CNTN5: variants seen among roughly 807,000 people sequenced by gnomAD.
CNTN5 encodes the protein contactin-5.
CNTN5 carries 77 observed loss-of-function variants against 129.1 expected under a neutral mutation model. The observed-to-expected ratio is 0.60, with a 90% CI of 0.50 to 0.72. The LOEUF is 0.72. Ranked by LOEUF, CNTN5 falls within the 30% of genes least tolerant of loss-of-function variation. The probability of loss-of-function intolerance (pLI) is 0.00; values close to 1 mark genes in which losing one functional copy is unlikely to be tolerated. For missense variants in CNTN5, 1,478 were observed against 1,328.8 expected, an observed-to-expected ratio of 1.11 and a Z score of -1.75; for synonymous variants, 509 against 465.6, an observed-to-expected ratio of 1.09 and a Z score of -1.20.
chr11:99,983,400 A>C (rs1938473200), intron 8 of CNTN5, among the ~76,000 whole-genome samples: 2 of 152,174 alleles, frequency 1.3e-5, no homozygotes, highest in Non-Finnish European at 2.9e-5. Context: ...TATAGGACTG[A>C]CAAGAGAAGT....
At chr11:99,035,998 T>C (rs899902317) in intron 1 of CNTN5, among the ~76,000 whole-genome samples, 1 of 152,074 alleles carries the variant, frequency 6.6e-6, no homozygotes, top group Non-Finnish European at 1.5e-5. Flanking sequence ...TTTGCTTGTC[T>C]GTAAAGTATT....
chr11:99,631,268 C>T (rs538169911), intron 3 of CNTN5, among the ~76,000 whole-genome samples: 131 of 152,118 alleles, frequency 8.6e-4, no homozygotes, highest in Non-Finnish European at 1.7e-3. Context: ...ATAATGGATA[C>T]AAATATTCCT....
intron 1 of CNTN5, among the ~76,000 whole-genome samples, chr11:99,095,884 A>C (rs1268760655): frequency 6.6e-6 from 1 of 151,894 alleles, no homozygotes; most frequent in East Asian, 1.9e-4. Context: ...TTTTCAAAAA[A>C]TTAAGTATTC....
intron 1 of CNTN5, among the ~76,000 whole-genome samples, chr11:99,085,834 C>T (rs1591167347): frequency 1.3e-5 from 2 of 152,028 alleles, no homozygotes; most frequent in African/African-American, 2.4e-5. Context: ...GAAAAATTCC[C>T]CCCTCCTAGT....
Position 100,340,349 on chromosome 11 carries a change from G to A in CNTN5, c.2731-114G>A, listed in dbSNP as rs1435917057. ...CCTGTTAATTGGGTGATATAGGAGT[G>A]ATTTCTTCCTATGGGTGGACTCCAG... On this transcript the variant is annotated intron_variant, in intron 21 of 24. Coordinates refer to ENST00000524871, the MANE Select transcript of CNTN5 (RefSeq NM_014361.4). The A allele has an allele frequency of 1.0e-5, 7 of 694,076 alleles. No homozygotes were observed. The South Asian group carries it at 1.2e-4, about 12-fold the overall frequency. The allele number at this position is 694,076 out of a possible 1,614,324, so 43.0% of individuals were successfully genotyped here.
chr11:99,395,723 G>T (rs1213562039), intron 2 of CNTN5, among the ~76,000 whole-genome samples: 1 of 151,824 alleles, frequency 6.6e-6, no homozygotes, highest in African/African-American at 2.4e-5. Flanking sequence ...TTTTGTATAT[G>T]ATGTAAGGAA....
chr11:100,095,313 CTGTTTTTGAGGGGAAGAAATTAAAGTA>C (rs1317131008), intron 13 of CNTN5, among the ~76,000 whole-genome samples: 1 of 152,018 alleles, frequency 6.6e-6, no homozygotes, highest in African/African-American at 2.4e-5. Context: ...TTAAAAATTA[CTGTTTTTGAGGGGAAGAAATTAAAGTA>C]TGTTTTTGAG....
At chr11:99,941,488 A>G (rs1213994504) in intron 7 of CNTN5, among the ~76,000 whole-genome samples, 1 of 151,814 alleles carries the variant, frequency 6.6e-6, no homozygotes, top group African/African-American at 2.4e-5. Flanking sequence ...GACAAAGCAG[A>G]TAAAACATAG....
At chr11:99,600,321 C>T (rs72997244) in intron 3 of CNTN5, among the ~76,000 whole-genome samples, 2,395 of 152,224 alleles carry the variant, frequency 0.016, 22 homozygotes, top group Non-Finnish European at 0.021. Flanking sequence ...ATAAGACCAG[C>T]GTAGAAGGTT....
intron 7 of CNTN5, among the ~76,000 whole-genome samples, chr11:99,936,768 T>A (rs558558928): frequency 6.6e-6 from 1 of 152,300 alleles, no homozygotes; most frequent in East Asian, 1.9e-4. Context: ...AAACAAAACA[T>A]TCCTGGTTGA....
chr11:100,007,976 T>C (rs890555304), intron 9 of CNTN5, among the ~76,000 whole-genome samples: 8 of 152,054 alleles, frequency 5.3e-5, no homozygotes, highest in Admixed American at 2.0e-4. Flanking sequence ...TTAATTTTAA[T>C]ATTATTGTGT....
chr11:99,127,409 C>T (rs563683815), intron 1 of CNTN5, among the ~76,000 whole-genome samples: 32 of 152,192 alleles, frequency 2.1e-4, no homozygotes, highest in Middle Eastern at 3.4e-3. Context: ...TCTTCTCATC[C>T]GGACTGCTTG....
chr11:99,581,512 G>T (rs1265681529), intron 3 of CNTN5, among the ~76,000 whole-genome samples: 3 of 150,498 alleles, frequency 2.0e-5, no homozygotes, highest in Non-Finnish European at 2.9e-5. Flanking sequence ...GAATCTGGGT[G>T]CTCCTGTATT....
intron 1 of CNTN5, among the ~76,000 whole-genome samples, chr11:99,110,797 T>C (rs989800465): frequency 2.0e-5 from 3 of 152,184 alleles, no homozygotes; most frequent in Admixed American, 6.6e-5. Flanking sequence ...TGTTTAAAAG[T>C]ATTTTAGAAA....
intron 1 of CNTN5, among the ~76,000 whole-genome samples, chr11:99,287,863 A>C (rs970080824): frequency 4.6e-5 from 7 of 152,004 alleles, no homozygotes; most frequent in African/African-American, 1.7e-4. Context: ...GAGGATGTGG[A>C]GGAATAAAGG....
chr11:99,652,104 G>A, intron 3 of CNTN5, among the ~76,000 whole-genome samples: 1 of 152,028 alleles, frequency 6.6e-6, no homozygotes, highest in Admixed American at 6.6e-5. Context: ...GTTGTCTGGG[G>A]CTGCAGTCTT....
At chr11:100,326,331 C>T (rs538017545) in intron 21 of CNTN5, among the ~76,000 whole-genome samples, 75 of 152,062 alleles carry the variant, frequency 4.9e-4, no homozygotes, top group African/African-American at 1.8e-3. Context: ...GTGAACAAAA[C>T]TCCAAAAACA....
At chr11:100,153,371 G>A (rs1256104644) in intron 13 of CNTN5, among the ~76,000 whole-genome samples, 1 of 151,970 alleles carries the variant, frequency 6.6e-6, no homozygotes, top group African/African-American at 2.4e-5. Flanking sequence ...TTCTTAATCA[G>A]AAGGTTATGT....
chr11:100,100,136 A>G (rs1233132761), intron 13 of CNTN5, among the ~76,000 whole-genome samples: 1 of 152,136 alleles, frequency 6.6e-6, no homozygotes, highest in Admixed American at 6.6e-5. Context: ...TGCAGTTTCC[A>G]AAGCTAAATG....
Sources: gnomAD v4.1 joint callset for allele counts (sites outside exome capture counted in the v4.1 genomes callset) on GRCh38, gnomAD v4.1.1 for gene constraint, MANE v1.5 for transcripts, NCBI Gene and HGNC (gene_info 2026-07-23, HGNC 2026-07-21) for gene names.